The following FOXN3 variants were observed in gnomAD, a reference collection of about 807,000 sequenced individuals.
FOXN3 encodes the protein forkhead box N3.
A neutral mutation model predicts 38.4 loss-of-function variants in FOXN3; 7 were observed. The ratio of observed to expected loss-of-function variants is 0.18; its 90% confidence interval spans 0.10 to 0.34. FOXN3 has a LOEUF of 0.34. FOXN3 is among the 10% of genes least tolerant of loss of function. The pLI is 1.00. For synonymous variants in FOXN3, 230 were observed against 242.2 expected (o/e 0.95, Z 0.47); for missense variants, 456 against 613.4 (o/e 0.74, Z 2.71).
rs928619462 is a variant in FOXN3 at position 89,160,761 on chromosome 14, G to A, written c.*1653C>T. Reference sequence around the variant, plus strand: ...GGCAGTACAGAGTTCAACCATCCAAGCCCTACCAGAGCATGAAGATATTTT... The same window carrying A: ...GGCAGTACAGAGTTCAACCATCCAAACCCTACCAGAGCATGAAGATATTTT... On this transcript the variant is annotated 3_prime_UTR_variant, in exon 6 of 6. Transcript: ENST00000557258. 1 of 152,488 alleles carries A rather than the reference G, an allele frequency of 6.6e-6. No individual in the cohort carries two copies. 9.4% of individuals were successfully genotyped at this position (152,488 alleles called of 1,614,324 possible).
At chr14:89,318,863 T>C (rs985108511) in intron 3 of FOXN3, among the ~76,000 whole-genome samples, 1 of 152,204 alleles carries the variant, frequency 6.6e-6, no homozygotes, top group Non-Finnish European at 1.5e-5. Flanking sequence ...TCATGGGCAA[T>C]GTCAACTCAA....
intron 4 of FOXN3, among the ~76,000 whole-genome samples, chr14:89,182,172 C>T (rs1887691665): frequency 6.6e-6 from 1 of 152,206 alleles, no homozygotes; most frequent in South Asian, 2.1e-4. Context: ...AAATGCTTTT[C>T]ATAAAACACA....
chr14:89,430,945 A>T (rs536464919), intron 1 of FOXN3, among the ~76,000 whole-genome samples: 83 of 152,338 alleles, frequency 5.4e-4, no homozygotes, highest in Non-Finnish European at 8.2e-4. Flanking sequence ...CATGCGTTGC[A>T]GGCAAATTAA....
Position 89,344,770 on chromosome 14 carries a change from A to G in FOXN3, c.680+5902T>C, listed in dbSNP as rs533554810. ...AGGTTAGAAAAATAGAAATTTCCTA[A>G]AAAGTTGGTGGGAATGTGGACTAGA... is the stretch of plus-strand genomic sequence containing the variant. On this transcript the variant is annotated intron_variant, in intron 3 of 5. Coordinates refer to ENST00000557258, the MANE Select transcript of FOXN3 (RefSeq NM_005197.4). Among the ~76,000 whole-genome samples the G allele has an allele frequency of 3.3e-5, 5 of 152,334 alleles. No individual in the cohort carries two copies. In the South Asian group the frequency reaches 6.2e-4, roughly 19 times the overall value.
intron 3 of FOXN3, among the ~76,000 whole-genome samples, chr14:89,324,891 G>T (rs1370635311): frequency 6.6e-6 from 1 of 152,126 alleles, no homozygotes; most frequent in Non-Finnish European, 1.5e-5. Context: ...CAGGTCTGGG[G>T]TGACGTCTGA....
At chr14:89,206,176 T>G (rs1888379161) in intron 4 of FOXN3, among the ~76,000 whole-genome samples, 1 of 152,214 alleles carries the variant, frequency 6.6e-6, no homozygotes, top group Non-Finnish European at 1.5e-5. Context: ...TATAGCAGCC[T>G]GAATGGACTA....
At chr14:89,557,398 A>T (rs930081898) in intron 1 of FOXN3, among the ~76,000 whole-genome samples, 1 of 152,146 alleles carries the variant, frequency 6.6e-6, no homozygotes, top group African/African-American at 2.4e-5. Context: ...CCTGTCCCAT[A>T]CATAAGGTGG....
intron 1 of FOXN3, among the ~76,000 whole-genome samples, chr14:89,463,104 A>G (rs1227253736): frequency 6.7e-6 from 1 of 149,460 alleles, no homozygotes; most frequent in African/African-American, 2.5e-5. Flanking sequence ...TCTGGCTAAC[A>G]CGGTGAAACC....
chr14:89,587,178 C>T (rs949934804), intron 1 of FOXN3, among the ~76,000 whole-genome samples: 8 of 152,252 alleles, frequency 5.3e-5, no homozygotes, highest in East Asian at 1.9e-4. Flanking sequence ...GGGGGAACCC[C>T]GGTCTTTTTC....
chr14:89,440,312 G>A (rs1179347694), intron 1 of FOXN3, among the ~76,000 whole-genome samples: 3 of 152,156 alleles, frequency 2.0e-5, no homozygotes, highest in African/African-American at 7.2e-5. Flanking sequence ...AGGCCTTGGG[G>A]ATACCAGAAT....
chr14:89,282,652 A>G (rs1234751530), intron 3 of FOXN3, among the ~76,000 whole-genome samples: 3 of 152,226 alleles, frequency 2.0e-5, no homozygotes, highest in African/African-American at 4.8e-5. Context: ...CCTGATTTAT[A>G]AAGATATTTT....
At chr14:89,500,439 T>C (rs953456949) in intron 1 of FOXN3, among the ~76,000 whole-genome samples, 8 of 152,158 alleles carry the variant, frequency 5.3e-5, no homozygotes, top group East Asian at 1.9e-4. Flanking sequence ...TCTGGCATGA[T>C]AGAGACTGAT....
chr14:89,281,474 C>T (rs1886458542), intron 3 of FOXN3, among the ~76,000 whole-genome samples: 1 of 152,188 alleles, frequency 6.6e-6, no homozygotes, highest in Non-Finnish European at 1.5e-5. Context: ...ACCACTAAAT[C>T]CTTAATATAT....
At chr14:89,425,164 T>C (rs1159480722) in intron 1 of FOXN3, among the ~76,000 whole-genome samples, 1 of 146,510 alleles carries the variant, frequency 6.8e-6, no homozygotes, top group East Asian at 2.2e-4. Context: ...TCCCGGGTCC[T>C]GGTTCAAGCA....
intron 1 of FOXN3, among the ~76,000 whole-genome samples, chr14:89,618,233 C>T (rs1453370204): frequency 3.3e-5 from 5 of 152,066 alleles, no homozygotes; most frequent in African/African-American, 9.7e-5. Context: ...GCTCCCCGAG[C>T]CCAACCAATT....
At chr14:89,418,422 C>T (rs553823429), upstream of FOXN3, among the ~76,000 whole-genome samples, 7 of 127,902 alleles carry the variant, frequency 5.5e-5, 1 homozygote. Flanking sequence ...ACCCCCCCCC[C>T]CCAATCTGAG....
At chr14:89,255,985 G>C (rs1043216658) in intron 4 of FOXN3, among the ~76,000 whole-genome samples, 5 of 152,172 alleles carry the variant, frequency 3.3e-5, no homozygotes, top group Admixed American at 3.3e-4. Flanking sequence ...ATGAGTGCCA[G>C]AGGCTCACAG....
intron 3 of FOXN3, among the ~76,000 whole-genome samples, chr14:89,286,336 GC>G (rs1214462940): frequency 6.6e-6 from 1 of 152,130 alleles, no homozygotes; most frequent in Non-Finnish European, 1.5e-5. Flanking sequence ...TCAGCTTTCT[GC>G]CAGAATGGTC....
intron 1 of FOXN3, among the ~76,000 whole-genome samples, chr14:89,487,104 G>A (rs970187710): frequency 1.3e-5 from 2 of 152,122 alleles, no homozygotes; most frequent in Non-Finnish European, 1.5e-5. Context: ...AAGTGTACAC[G>A]CTGCAAAGTC....
Sources: gnomAD v4.1 joint callset for allele counts (sites outside exome capture counted in the v4.1 genomes callset) on GRCh38, gnomAD v4.1.1 for gene constraint, MANE v1.5 for transcripts, NCBI Gene and HGNC (gene_info 2026-07-23, HGNC 2026-07-21) for gene names.